Variants in CORIN observed in about 807,000 individuals in gnomAD.
CORIN encodes corin, serine peptidase.
In CORIN, 117 loss-of-function variants were observed where a neutral mutation model predicts 125.3. That is an observed-to-expected ratio of 0.93 (90% CI 0.80 to 1.09). The LOEUF is 1.09. CORIN is among the 50% of genes least tolerant of loss of function. The pLI, the probability that CORIN is intolerant of heterozygous loss-of-function variation, is 0.00. For missense variants in CORIN, 1,253 were observed against 1,306.7 expected, an observed-to-expected ratio of 0.96 and a Z score of 0.63; for synonymous variants, 450 against 466.4, an observed-to-expected ratio of 0.96 and a Z score of 0.45.
chr4:47,681,227 G>A (rs977544667), intron 7 of CORIN: 20 of 152,182 alleles, frequency 1.3e-4, no homozygotes, highest in African/African-American at 4.8e-4. Flanking sequence ...GGATCTTAAA[G>A]CATATTTTGG....
chr4:47,698,783 C>T (rs185649804), intron 5 of CORIN, among the ~76,000 whole-genome samples: 31 of 152,238 alleles, frequency 2.0e-4, no homozygotes, highest in Admixed American at 1.8e-3. Flanking sequence ...TTTTTCTTAA[C>T]AATGGACTAC....
chr4:47,626,360 G>T (rs1722564166), intron 17 of CORIN, 45 bp downstream of exon 17: 1 of 1,139,914 alleles, frequency 8.8e-7, no homozygotes, highest in Non-Finnish European at 1.3e-6. Context: ...ATAAACTCTT[G>T]CTCTGTAATC....
chr4:47,837,804 G>A (rs1577969074), intron 1 of CORIN, 83 bp downstream of exon 1: 6 of 1,213,868 alleles, frequency 4.9e-6, no homozygotes, highest in Admixed American at 1.7e-5. Flanking sequence ...GAGGACGGGG[G>A]CGGGAGGGGC....
At chr4:47,794,059 A>C (rs1476763463) in intron 2 of CORIN, among the ~76,000 whole-genome samples, 1 of 152,216 alleles carries the variant, frequency 6.6e-6, no homozygotes, top group Non-Finnish European at 1.5e-5. Context: ...GTGAATCTGC[A>C]ACAGAAAGCC....
At chr4:47,661,268 A>C (rs1278925116) in intron 12 of CORIN, among the ~76,000 whole-genome samples, 1 of 152,210 alleles carries the variant, frequency 6.6e-6, no homozygotes, top group Non-Finnish European at 1.5e-5. Flanking sequence ...ATTTGATAGC[A>C]CAACAGAGTG....
chr4:47,738,017 G>T (rs556975212), intron 5 of CORIN, among the ~76,000 whole-genome samples: 6 of 151,946 alleles, frequency 3.9e-5, no homozygotes. Flanking sequence ...ATTAATAATC[G>T]ATTAACACTG....
chr4:47,635,212 G>C (rs1284752755), intron 16 of CORIN, among the ~76,000 whole-genome samples: 1 of 152,212 alleles, frequency 6.6e-6, no homozygotes, highest in African/African-American at 2.4e-5. Context: ...AGAGGTTAAT[G>C]AGGTGGGACA....
At chr4:47,652,832 T>G (rs1723795635) in intron 13 of CORIN, 1 of 152,228 alleles carries the variant, frequency 6.6e-6, no homozygotes. Flanking sequence ...TCTGCCTTCA[T>G]GCATCTAGAT....
intron 2 of CORIN, among the ~76,000 whole-genome samples, chr4:47,806,492 A>T (rs1731801444): frequency 6.6e-6 from 1 of 152,188 alleles, no homozygotes; most frequent in Non-Finnish European, 1.5e-5. Flanking sequence ...AAGTTAACAC[A>T]TTAACTCTCC....
intron 19 of CORIN, among the ~76,000 whole-genome samples, chr4:47,619,840 C>T (rs564915807): frequency 1.3e-5 from 2 of 152,272 alleles, no homozygotes; most frequent in Admixed American, 1.3e-4. Context: ...TGTACTCTTG[C>T]TAGTGTAACC....
chr4:47,686,737 C>A (rs556540044), intron 6 of CORIN, among the ~76,000 whole-genome samples: 1 of 152,242 alleles, frequency 6.6e-6, no homozygotes, highest in East Asian at 1.9e-4. Flanking sequence ...CTCAACTTGA[C>A]GATCAGTGCA....
chr4:47,764,554 G>A (rs1325047913), intron 3 of CORIN, among the ~76,000 whole-genome samples: 2 of 152,108 alleles, frequency 1.3e-5, no homozygotes, highest in African/African-American at 4.8e-5. Flanking sequence ...TCAGTTTCAA[G>A]ACCCAGTTAC....
At chr4:47,832,445 CTT>C (rs1211972356) in intron 1 of CORIN, among the ~76,000 whole-genome samples, 7 of 76,914 alleles carry the variant, frequency 9.1e-5, no homozygotes, top group East Asian at 2.4e-4. Context: ...CTTTTCTTTT[CTT>C]TTTTTTTTTT....
intron 5 of CORIN, 28 bp from the exon 6 acceptor site, chr4:47,693,111 C>A (rs1306682625): frequency 7.0e-7 from 1 of 1,423,152 alleles, no homozygotes; most frequent in Non-Finnish European, 9.9e-7. Flanking sequence ...GAAATAATGT[C>A]AGAATAAGAT....
chr4:47,667,379 TC>T (rs973084257), intron 10 of CORIN, among the ~76,000 whole-genome samples: 1 of 152,174 alleles, frequency 6.6e-6, no homozygotes, highest in African/African-American at 2.4e-5. Flanking sequence ...GGCTCCCAGC[TC>T]CCTCTCTCTG....
intron 16 of CORIN, among the ~76,000 whole-genome samples, chr4:47,638,142 T>C (rs149774424): frequency 0.018 from 2,752 of 152,354 alleles, 89 homozygotes; most frequent in African/African-American, 0.063. Flanking sequence ...CCCCTTTGTT[T>C]TGGCCAATTT....
intron 2 of CORIN, among the ~76,000 whole-genome samples, chr4:47,796,148 T>C (rs1171196907): frequency 6.6e-6 from 1 of 152,030 alleles, no homozygotes; most frequent in East Asian, 1.9e-4. Context: ...CAGGATCTCC[T>C]ATCTGCACTC....
chr4:47,650,095 A>C (rs1326756281), intron 13 of CORIN, among the ~76,000 whole-genome samples: 1 of 152,236 alleles, frequency 6.6e-6, no homozygotes, highest in African/African-American at 2.4e-5. Flanking sequence ...TCAGAGTCAG[A>C]TCTTCTAATA....
intron 5 of CORIN, among the ~76,000 whole-genome samples, chr4:47,732,388 T>C (rs968809981): frequency 6.6e-6 from 1 of 152,100 alleles, no homozygotes; most frequent in Admixed American, 6.5e-5. Flanking sequence ...CTATAGGACA[T>C]TGTCCTTATG....
Sources: gnomAD v4.1 joint callset for allele counts (sites outside exome capture counted in the v4.1 genomes callset) on GRCh38, gnomAD v4.1.1 for gene constraint, MANE v1.5 for transcripts, NCBI Gene and HGNC (gene_info 2026-07-23, HGNC 2026-07-21) for gene names.